GLI2: variants seen among roughly 807,000 people sequenced by gnomAD.
The protein encoded by GLI2 is transcription activator GLI2.
A neutral mutation model predicts 78.9 loss-of-function variants in GLI2; 22 were observed. The observed-to-expected ratio is 0.28, with a 90% CI of 0.20 to 0.40. The LOEUF is 0.40. GLI2 is among the 10% of genes least tolerant of loss of function. The pLI is 1.00. For missense variants in GLI2, 2,097 were observed against 2,213.2 expected (o/e 0.95, Z 1.05); for synonymous variants, 974 against 963.7 (o/e 1.01, Z -0.20).
At chr2:120,915,161 G>T (rs1679030274) in intron 2 of GLI2, among the ~76,000 whole-genome samples, 1 of 152,154 alleles carries the variant, frequency 6.6e-6, no homozygotes, top group African/African-American at 2.4e-5. Context: ...GCTGGCCCCA[G>T]CCCAGCACAC....
chr2:120,835,606 C>T (rs7588234), intron 2 of GLI2, among the ~76,000 whole-genome samples: 1 of 151,742 alleles, frequency 6.6e-6, no homozygotes, highest in African/African-American at 2.4e-5. Flanking sequence ...GGCTAGTCTC[C>T]GACTCCTGAC....
At chr2:120,798,275 C>G (rs1349871029) in intron 2 of GLI2, among the ~76,000 whole-genome samples, 1 of 152,244 alleles carries the variant, frequency 6.6e-6, no homozygotes, top group Non-Finnish European at 1.5e-5. Context: ...GGCAGCGCCC[C>G]TCACACTTTG....
At position 120,923,758 on chromosome 2, in the gene GLI2, TACTC is replaced by T. The variant is rs535247827; in HGVS notation, c.149-3600_149-3597del. ...ACTACACACATACACGCACTGCACA[TACTC>T]ACACATGCACGTGCAGCACACACAT... On this transcript the variant is annotated intron_variant, in intron 2 of 13. Transcript: ENST00000361492. Among the ~76,000 whole-genome samples the T allele has an allele frequency of 1.4e-3, 217 of 151,810 alleles. 1 individual carries two copies. Among genetic ancestry groups the T allele is most frequent in the Non-Finnish European group, 1.9e-3 (132 of 67,894 alleles).
At chr2:120,821,586 C>T (rs1474985324) in intron 2 of GLI2, among the ~76,000 whole-genome samples, 2 of 152,164 alleles carry the variant, frequency 1.3e-5, no homozygotes, top group Non-Finnish European at 2.9e-5. Flanking sequence ...AGGGGACCTG[C>T]ACTCTCAGTG....
At position 120,986,688 on chromosome 2, in the gene GLI2, C is replaced by A. The variant is rs186898539; in HGVS notation, c.2242+74C>A. On this transcript the variant is annotated intron_variant, in intron 13 of 13. Coordinates refer to ENST00000361492, the MANE Select transcript of GLI2 (RefSeq NM_001374353.1). ...CAGCACCAACTAGGCTGGCACCCAC[C>A]AAGCACCAGTGCTATCTCACCGGAT... 7.2e-4 allele frequency: 848 copies of A among 1,179,242 alleles called. 8 individuals are homozygous for A. In the East Asian group the frequency reaches 0.018, roughly 26 times the overall value. The allele number at this position is 1,179,242 out of a possible 1,614,324, so 73.0% of individuals were successfully genotyped here.
At chr2:120,890,863 G>A (rs1203566087) in intron 2 of GLI2, among the ~76,000 whole-genome samples, 3 of 152,166 alleles carry the variant, frequency 2.0e-5, no homozygotes, top group Admixed American at 2.0e-4. Flanking sequence ...CCAAAGCTTG[G>A]CTTCGTGAAG....
chr2:120,856,876 C>CT (rs35362712), intron 2 of GLI2, among the ~76,000 whole-genome samples: 90,519 of 151,800 alleles, frequency 0.6, 27,991 homozygotes, highest in East Asian at 0.76. Context: ...GCCTGGCTCA[C>CT]TTCAGGCCTG....
intron 3 of GLI2, among the ~76,000 whole-genome samples, chr2:120,948,617 C>T (rs999056754): frequency 3.9e-5 from 6 of 152,306 alleles, no homozygotes; most frequent in East Asian, 3.9e-4. Flanking sequence ...AGGGGAGGCT[C>T]ACCTGGCCAG....
At chr2:120,939,414 C>T (rs1332035533) in intron 3 of GLI2, among the ~76,000 whole-genome samples, 3 of 152,204 alleles carry the variant, frequency 2.0e-5, no homozygotes, top group African/African-American at 7.2e-5. Flanking sequence ...CCCCAATCTC[C>T]TGCCTCAGGT....
intron 5 of GLI2, among the ~76,000 whole-genome samples, chr2:120,962,220 T>C (rs747610352): frequency 3.3e-5 from 5 of 152,198 alleles, no homozygotes; most frequent in Non-Finnish European, 7.4e-5. Flanking sequence ...GTCCAGGGCC[T>C]GTTCTTGCAT....
rs1188431302 is a variant in GLI2 at position 120,899,396 on chromosome 2, TACACACACATACACACACACAC to T, written c.149-27955_149-27934del. 2.7e-5 allele frequency among the ~76,000 whole-genome samples: 3 copies of T among 110,426 alleles called. No homozygotes were observed. In the East Asian group the frequency reaches 6.4e-4, roughly 24 times the overall value. 72.4% of individuals were successfully genotyped at this position (110,426 alleles called of 152,430 possible). On this transcript the variant is annotated intron_variant, in intron 2 of 13. Transcript: ENST00000361492. ...TTTCTCTCTCATACACACTTGTGTG[TACACACACATACACACACACAC>T]ACACACACACATACACACATGCACA...
intron 2 of GLI2, among the ~76,000 whole-genome samples, chr2:120,889,367 C>CTCT (rs1235252646): frequency 6.6e-6 from 1 of 152,188 alleles, no homozygotes; most frequent in Non-Finnish European, 1.5e-5. Flanking sequence ...CCAGTTCAGA[C>CTCT]AGTCAGCTCC....
Position 120,968,673 on chromosome 2 carries a change from C to G in GLI2, c.644-41C>G, listed in dbSNP as rs753695596. 7.5e-6 allele frequency: 10 copies of G among 1,329,134 alleles called. No homozygotes were observed. The South Asian group carries it at 9.4e-5, about 12-fold the overall frequency. The allele number at this position is 1,329,134 out of a possible 1,614,324, so 82.3% of individuals were successfully genotyped here. On this transcript the variant is annotated intron_variant, in intron 5 of 13. Coordinates refer to ENST00000361492, the MANE Select transcript of GLI2 (RefSeq NM_001374353.1). ...ACCCACATGTCACCCCCTCCCCCAT[C>G]CCCAGTGATGCTGACCTGTCTTGTG... is the stretch of plus-strand genomic sequence containing the variant.
chr2:120,862,789 C>T (rs1687963197), intron 2 of GLI2, among the ~76,000 whole-genome samples: 1 of 152,208 alleles, frequency 6.6e-6, no homozygotes, highest in South Asian at 2.1e-4. Flanking sequence ...GAAGGCTGGC[C>T]CCGGCTCAGA....
intron 1 of GLI2, among the ~76,000 whole-genome samples, chr2:120,746,572 T>C (rs1267946970): frequency 1.3e-5 from 2 of 152,342 alleles, no homozygotes; most frequent in African/African-American, 4.8e-5. Context: ...TATTTAAGTT[T>C]GAAGATCTAT....
chr2:120,952,917 G>T (rs774304427), intron 4 of GLI2, among the ~76,000 whole-genome samples: 1 of 152,238 alleles, frequency 6.6e-6, no homozygotes, highest in Non-Finnish European at 1.5e-5. Context: ...TCCAGAGTCT[G>T]CCTGGCTCAC....
chr2:120,900,550 G>T (rs532025966), intron 2 of GLI2, among the ~76,000 whole-genome samples: 1 of 152,194 alleles, frequency 6.6e-6, no homozygotes, highest in African/African-American at 2.4e-5. Context: ...TCGCTGCCTT[G>T]GTTTCCCTTC....
chr2:120,774,366 T>A (rs1416835053), intron 1 of GLI2, among the ~76,000 whole-genome samples: 1 of 152,196 alleles, frequency 6.6e-6, no homozygotes, highest in Non-Finnish European at 1.5e-5. Context: ...TTTTAGAATA[T>A]TAACAAAGCT....
intron 3 of GLI2, among the ~76,000 whole-genome samples, chr2:120,945,552 G>A (rs534670499): frequency 1.1e-4 from 17 of 152,262 alleles, no homozygotes; most frequent in Middle Eastern, 6.8e-3. Flanking sequence ...AGCTGTGTGG[G>A]TCAAGAAATG....
Sources: allele counts gnomAD v4.1 joint callset (sites outside exome capture counted in the v4.1 genomes callset), GRCh38; gene constraint gnomAD v4.1.1; transcripts MANE v1.5; gene names NCBI Gene and HGNC (gene_info 2026-07-23, HGNC 2026-07-21).